Variants in PLXND1 observed in about 807,000 individuals in gnomAD.
PLXND1 encodes the protein plexin D1.
In PLXND1, 54 loss-of-function variants were observed where a neutral mutation model predicts 197.7. The observed-to-expected ratio is 0.27, with a 90% CI of 0.22 to 0.34. PLXND1 has a LOEUF of 0.34. PLXND1 is among the 10% of genes least tolerant of loss of function. The probability of loss-of-function intolerance (pLI) is 1.00; values close to 1 mark genes in which losing one functional copy is unlikely to be tolerated. For missense variants in PLXND1, 2,127 were observed against 2,699.2 expected, an observed-to-expected ratio of 0.79 and a Z score of 4.70; for synonymous variants, 1,180 against 1,161.2, an observed-to-expected ratio of 1.02 and a Z score of -0.33.
chr3:129,574,878 C>T (rs2085289310), intron 11 of PLXND1, among the ~76,000 whole-genome samples: 1 of 152,196 alleles, frequency 6.6e-6, no homozygotes, highest in South Asian at 2.1e-4. Flanking sequence ...TCAACCCCGG[C>T]GGGGCCCTAG....
chr3:129,582,156 A>G (rs1397685003), intron 8 of PLXND1, among the ~76,000 whole-genome samples: 1 of 152,254 alleles, frequency 6.6e-6, no homozygotes, highest in African/African-American at 2.4e-5. Context: ...GGCCCCTGCC[A>G]GGCTCTTCTT....
chr3:129,578,225 G>A, intron 9 of PLXND1, 104 bp downstream of exon 9: 1 of 746,050 alleles, frequency 1.3e-6, no homozygotes, highest in South Asian at 1.5e-5. Context: ...GCACTGCAGT[G>A]GGCCCAGAGC....
chr3:129,585,826 C>G, intron 5 of PLXND1, 126 bp downstream of exon 5: 2 of 1,281,626 alleles, frequency 1.6e-6, no homozygotes, highest in Middle Eastern at 2.0e-4. Context: ...TGTCACTGTT[C>G]TCATTATTTG....
In PLXND1 at chr3:129,572,662, T is replaced by C. The variant is rs754324708; in HGVS notation, c.3024A>G (p.Val1008=). Reference sequence around the variant, plus strand: ...TCACCAGGACCTGGAGCTCGGAGCCTACATGGAGGTCATTCCCATGGATGG... The same window carrying C: ...TCACCAGGACCTGGAGCTCGGAGCCCACATGGAGGTCATTCCCATGGATGG... ...RITIHGNDLH[V]GSELQVLVND... Residue 1008 remains valine (V), a synonymous_variant, in exon 15 of 36, where the codon GTA becomes GTG. Coordinates refer to ENST00000324093, the MANE Select transcript of PLXND1 (RefSeq NM_015103.3). The C allele has an allele frequency of 1.9e-6, 3 of 1,604,436 alleles. No homozygotes were observed. Among genetic ancestry groups the C allele is most frequent in the South Asian group, 1.1e-5 (1 of 89,430 alleles).
rs2085042121 is a variant in PLXND1 at position 129,560,532 on chromosome 3, G to A, written c.5029-98C>T. The A allele has an allele frequency of 9.1e-6, 9 of 986,470 alleles. No individual in the cohort carries two copies. In the South Asian group the frequency reaches 1.1e-4, roughly 12 times the overall value. The allele number at this position is 986,470 out of a possible 1,614,324, so 61.1% of individuals were successfully genotyped here. A position where few individuals can be genotyped will look rare whatever the true frequency, so the allele number is the denominator to read the frequency against. On this transcript the variant is annotated intron_variant, in intron 30 of 35. Transcript: ENST00000324093. ...CCATGCTTCTTAGCACACAAGGGCT[G>A]TGGTTCCCTCCTGATTCTGGGCCCC...
At position 129,577,203 on chromosome 3, in the gene PLXND1, C is replaced by T. The variant is rs189568951; in HGVS notation, c.2346+1126G>A. Among the ~76,000 whole-genome samples, 578 of 152,090 alleles carry T rather than the reference C, an allele frequency of 3.8e-3. 2 individuals carry two copies. The highest frequency in any genetic ancestry group is 6.6e-3 in the Non-Finnish European group (450 of 67,936). On this transcript the variant is annotated intron_variant, in intron 9 of 35. Coordinates refer to ENST00000324093, the MANE Select transcript of PLXND1 (RefSeq NM_015103.3). This position sits in a 1 kb window ranked among gnomAD's most constrained non-coding sequence, Gnocchi z 5.0. ...GTCCCAGAGCTCCCCAGGGTGTAGGCTCAGCAAACAGGCCCCCACCGCTGG... is the reference window on the plus strand; with the variant it reads ...GTCCCAGAGCTCCCCAGGGTGTAGGTTCAGCAAACAGGCCCCCACCGCTGG...
intron 1 of PLXND1, among the ~76,000 whole-genome samples, chr3:129,603,390 T>A (rs1207987244): frequency 6.6e-6 from 1 of 152,162 alleles, no homozygotes; most frequent in African/African-American, 2.4e-5. Context: ...AACCCTGGGC[T>A]GGCCTAAGGA....
In PLXND1 at chr3:129,572,828, C is replaced by T. The variant is rs2085256115; in HGVS notation, c.2937+14G>A. On this transcript the variant is annotated intron_variant, in intron 14 of 35. Coordinates refer to ENST00000324093, the MANE Select transcript of PLXND1 (RefSeq NM_015103.3). ...GCTGGGCGGGCCGGACAGTGGGCTG[C>T]AGCCCCCCCTTACCACGTAGGAGAA... The T allele has an allele frequency of 1.2e-6, 2 of 1,612,710 alleles. No individual in the cohort carries two copies. The highest frequency in any genetic ancestry group is 1.7e-6 in the Non-Finnish European group (2 of 1,179,116).
At chr3:129,589,310 T>TGCCCCCCCCCCCCCCCCCCCCCC in intron 2 of PLXND1, 41 bp downstream of exon 2, 4 of 501,288 alleles carry the variant, frequency 8.0e-6, no homozygotes, top group East Asian at 1.0e-4. Flanking sequence ...CAGGGGAGCC[T>TGCCCCCCCCCCCCCCCCCCCCCC]CCCACCCCCA....
chr3:129,589,779 C>T (rs1329768167), intron 1 of PLXND1, among the ~76,000 whole-genome samples: 1 of 152,084 alleles, frequency 6.6e-6, no homozygotes, highest in East Asian at 1.9e-4. Flanking sequence ...AACCAGCAGG[C>T]GAGGGAACAA....
At chr3:129,565,246 G>A (rs1262566352) in intron 25 of PLXND1, 94 bp downstream of exon 25, 4 of 1,016,710 alleles carry the variant, frequency 3.9e-6, no homozygotes, top group East Asian at 2.4e-5. Context: ...TGGCCTGAGG[G>A]TGCCAGGGAA....
At chr3:129,603,202 C>T (rs1055671635) in intron 1 of PLXND1, among the ~76,000 whole-genome samples, 19 of 152,178 alleles carry the variant, frequency 1.2e-4, no homozygotes, top group African/African-American at 4.6e-4. Context: ...AGGCCGCAGC[C>T]GGAATCTGTG....
rs777021506 is a variant in PLXND1 at position 129,584,427 on chromosome 3, G to A, written c.1987C>T (p.Leu663Phe). 11 of 1,613,606 alleles carry A rather than the reference G, an allele frequency of 6.8e-6. No homozygotes were observed. The highest frequency in any genetic ancestry group is 9.3e-6 in the Non-Finnish European group (11 of 1,179,914). Residue 663 changes from leucine (L) to phenylalanine (F), a missense_variant, in exon 6 of 36, where the codon CTC becomes TTC. Coordinates refer to ENST00000324093, the MANE Select transcript of PLXND1 (RefSeq NM_015103.3). The stretch of plus-strand genomic sequence containing the variant: ...GGCGGAAACTGGTCCCTCGGCAGGA[G>A]GTTGCAGTAGGCAATCTGGTGACCA... ...AFGHQIAYCN[L>F]LPRDQFPPFP... is the part of the protein sequence containing the mutation.
At position 129,605,797 on chromosome 3, in the gene PLXND1, G is replaced by T; in HGVS notation, c.843C>A (p.Ser281Arg). The change falls in exon 1 of 36, where the codon AGC (serine) becomes AGA (arginine). Residue 281 changes from serine (S) to arginine (R), a missense_variant. Ser to Arg is a moderately radical substitution (Grantham distance 110, BLOSUM62 -1). Coordinates refer to ENST00000324093, the MANE Select transcript of PLXND1 (RefSeq NM_015103.3). ...GCGGGTCGGACGGGTGCAGGAAGGC[G>T]CTCACGAAGCCCAGCTTGTGCTGCT... Reference protein sequence around the residue: ...AKEQHKLGFVSAFLHPSDPPP... With the variant: ...AKEQHKLGFVRAFLHPSDPPP... The T allele has an allele frequency of 1.3e-6, 2 of 1,598,618 alleles. No individual in the cohort carries two copies.
At position 129,559,561 on chromosome 3, in the gene PLXND1, C is replaced by A. The variant is rs932306461; in HGVS notation, c.5297+59G>T. The A allele has an allele frequency of 3.6e-6, 5 of 1,396,754 alleles. No homozygotes were observed. The African/African-American group carries it at 4.3e-5, about 12-fold the overall frequency. The allele number at this position is 1,396,754 out of a possible 1,614,324, so 86.5% of individuals were successfully genotyped here. On this transcript the variant is annotated intron_variant, in intron 32 of 35. Transcript: ENST00000324093. ...GAGGCCAGAAGACTAGACTCTGAAC[C>A]CCCTGCCACAGGGGCCCCAGTGGCA... is the stretch of plus-strand genomic sequence containing the variant.
At chr3:129,589,315 C>CA in intron 2 of PLXND1, 36 bp downstream of exon 2, 1 of 605,730 alleles carries the variant, frequency 1.7e-6, no homozygotes, top group Non-Finnish European at 2.9e-6. Flanking sequence ...GAGCCTCCCA[C>CA]CCCCACCCCC....
At chr3:129,563,593 C>T (rs2085094740) in intron 25 of PLXND1, among the ~76,000 whole-genome samples, 1 of 152,242 alleles carries the variant, frequency 6.6e-6, no homozygotes, top group South Asian at 2.1e-4. Flanking sequence ...GCTCGGCTGA[C>T]TCCCAAGCCT....
chr3:129,565,906 CCTT>C lies in PLXND1; in HGVS notation c.4300_4302del (p.Lys1434del). The C allele has an allele frequency of 6.2e-7, 1 of 1,614,176 alleles. No individual in the cohort carries two copies. Among genetic ancestry groups the C allele is most frequent in the South Asian group, 1.1e-5 (1 of 91,064 alleles). On this transcript the variant is annotated inframe_deletion, in exon 24 of 36. Transcript: ENST00000324093. Reference sequence around the variant, plus strand: ...CCTGACCTGTCGCGCACCGCAAAGTCCTTCTGCTGCTCCAGCGCGTGGACAAAG... The same window carrying C: ...CCTGACCTGTCGCGCACCGCAAAGTCCTGCTGCTCCAGCGCGTGGACAAAG...
At position 129,584,715 on chromosome 3, in the gene PLXND1, CCTACA is replaced by C. The variant is rs1309825387; in HGVS notation, c.1852-158_1852-154del. ...AGGACTCAGGGCCAGAGGGCTATGC[CCTACA>C]TGTGACCCTCTGAGCCTCAGTTTCC... On this transcript the variant is annotated intron_variant, in intron 5 of 35. Coordinates refer to ENST00000324093, the MANE Select transcript of PLXND1 (RefSeq NM_015103.3). Among the ~76,000 whole-genome samples, 70 of 152,272 alleles carry C rather than the reference CCTACA, an allele frequency of 4.6e-4. No homozygotes were observed. The Middle Eastern group carries it at 0.01, about 22-fold the overall frequency.
Sources: allele counts gnomAD v4.1 joint callset (sites outside exome capture counted in the v4.1 genomes callset), GRCh38; gene constraint gnomAD v4.1.1; non-coding constraint Gnocchi (gnomAD v3.1); transcripts MANE v1.5; gene names NCBI Gene and HGNC (gene_info 2026-07-23, HGNC 2026-07-21).